LARP1B: variants seen among roughly 807,000 people sequenced by gnomAD.
LARP1B encodes La ribonucleoprotein 1B, also known as la-related protein 1B.
A neutral mutation model predicts 114.2 loss-of-function variants in LARP1B; 76 were observed. That is an observed-to-expected ratio of 0.67 (90% CI 0.55 to 0.81). LARP1B has a LOEUF of 0.81. Ranked by LOEUF, LARP1B falls within the 30% of genes least tolerant of loss-of-function variation. LARP1B has a pLI of 0.00. For missense variants in LARP1B, 1,014 were observed against 1,075.8 expected (o/e 0.94, Z 0.80); for synonymous variants, 345 against 348.0 (o/e 0.99, Z 0.10).
intron 12 of LARP1B, among the ~76,000 whole-genome samples, chr4:128,163,549 T>C (rs1285895322): frequency 1.3e-5 from 2 of 152,180 alleles, no homozygotes; most frequent in Non-Finnish European, 2.9e-5. Flanking sequence ...AATACTTTTA[T>C]AAAGAGAACT....
intron 9 of LARP1B, 37 bp from the exon 10 acceptor site, chr4:128,114,533 T>C: frequency 4.1e-6 from 6 of 1,455,464 alleles, no homozygotes; most frequent in Non-Finnish European, 5.7e-6. Flanking sequence ...AGAAAAGCCA[T>C]TATCATTTTA....
At chr4:128,126,431 TAATTTAGA>T (rs1789645176) in intron 11 of LARP1B, among the ~76,000 whole-genome samples, 3 of 152,138 alleles carry the variant, frequency 2.0e-5, no homozygotes, top group Admixed American at 6.6e-5. Context: ...CCCCTTAAAA[TAATTTAGA>T]TAGTCAGATT....
chr4:128,148,636 T>G (rs535320174), intron 11 of LARP1B, among the ~76,000 whole-genome samples: 10 of 152,122 alleles, frequency 6.6e-5, no homozygotes, highest in African/African-American at 2.4e-4. Context: ...TTTATTTTAT[T>G]TATTTATTTT....
chr4:128,114,410 T>C (rs1458115110), intron 9 of LARP1B, among the ~76,000 whole-genome samples, 160 bp from the exon 10 acceptor site: 1 of 152,242 alleles, frequency 6.6e-6, no homozygotes, highest in Non-Finnish European at 1.5e-5. Context: ...GTAAATCTTA[T>C]GAGCCCTTCA....
Position 128,070,319 on chromosome 4 carries a change from C to CA in LARP1B, c.-77-4130dup, listed in dbSNP as rs573218058. Among the ~76,000 whole-genome samples, 387 of 139,884 alleles carry CA rather than the reference C, an allele frequency of 2.8e-3. 2 individuals are homozygous for CA. The highest frequency in any genetic ancestry group is 4.4e-3 in the South Asian group (19 of 4,366). The allele number at this position is 139,884 out of a possible 152,430, so 91.8% of individuals were successfully genotyped here. On this transcript the variant is annotated intron_variant, in intron 1 of 19. Coordinates refer to ENST00000326639, the MANE Select transcript of LARP1B (RefSeq NM_018078.4). ...TGGGTGACAGAGTGAGACTCCGTCTCAAAAAAAAAAAGAAGATAATTTACT... is the reference window on the plus strand; with the variant it reads ...TGGGTGACAGAGTGAGACTCCGTCTCAAAAAAAAAAAAGAAGATAATTTACT...
intron 1 of LARP1B, among the ~76,000 whole-genome samples, chr4:128,067,196 A>G (rs1248193072): frequency 6.6e-6 from 1 of 152,154 alleles, no homozygotes; most frequent in Admixed American, 6.6e-5. Context: ...GTACCTCTAA[A>G]TCTATTAGTT....
chr4:128,121,504 A>G (rs1787974014), intron 10 of LARP1B, among the ~76,000 whole-genome samples: 1 of 152,252 alleles, frequency 6.6e-6, no homozygotes, highest in South Asian at 2.1e-4. Context: ...TAATTATGAA[A>G]TCATAGGCAA....
intron 11 of LARP1B, among the ~76,000 whole-genome samples, chr4:128,130,903 T>G (rs1791352158): frequency 6.6e-6 from 1 of 152,150 alleles, no homozygotes; most frequent in South Asian, 2.1e-4. Context: ...AAGACTGAGT[T>G]TATATTGGGT....
chr4:128,094,816 A>G (rs919829973), intron 7 of LARP1B, among the ~76,000 whole-genome samples: 19 of 151,768 alleles, frequency 1.3e-4, no homozygotes, highest in Non-Finnish European at 2.5e-4. Flanking sequence ...CAATGGTGCA[A>G]TCTTGGCTCA....
At chr4:128,105,949 G>C (rs1184040357) in intron 8 of LARP1B, among the ~76,000 whole-genome samples, 3 of 151,644 alleles carry the variant, frequency 2.0e-5, no homozygotes, top group African/African-American at 7.3e-5. Flanking sequence ...AATATAACTT[G>C]AGAGTTAAGT....
At chr4:128,118,821 T>C (rs1017349628) in intron 10 of LARP1B, among the ~76,000 whole-genome samples, 2 of 151,702 alleles carry the variant, frequency 1.3e-5, no homozygotes, top group Non-Finnish European at 2.9e-5. Flanking sequence ...GTTTTCTTGT[T>C]TGATCTAATC....
chr4:128,133,111 G>A (rs1164116310), intron 11 of LARP1B, among the ~76,000 whole-genome samples: 1 of 152,152 alleles, frequency 6.6e-6, no homozygotes, highest in East Asian at 1.9e-4. Flanking sequence ...TACAGATGAA[G>A]CTTTGCTCAC....
At chr4:128,069,017 G>T in intron 1 of LARP1B, 3 of 848,804 alleles carry the variant, frequency 3.5e-6, no homozygotes, top group South Asian at 1.7e-5. Flanking sequence ...ACTTATATTG[G>T]CTGTAACGGT....
chr4:128,149,359 G>C (rs1731677687), intron 11 of LARP1B, among the ~76,000 whole-genome samples: 1 of 152,126 alleles, frequency 6.6e-6, no homozygotes, highest in Non-Finnish European at 1.5e-5. Flanking sequence ...TCAAAATAGT[G>C]GTTTAATAGG....
intron 8 of LARP1B, among the ~76,000 whole-genome samples, chr4:128,101,434 A>G (rs1780279322): frequency 6.6e-6 from 1 of 151,876 alleles, no homozygotes; most frequent in Admixed American, 6.6e-5. Context: ...TAAAATAATG[A>G]TTTGTTGGTG....
chr4:128,211,065 C>T lies in LARP1B; in HGVS notation c.*1012C>T, dbSNP rs900037455. ...GCAAATTGATTTCTAATTTTTATTG[C>T]TATTACAACTGATGTAAATGGTAGT... On this transcript the variant is annotated 3_prime_UTR_variant, in exon 20 of 20. Transcript: ENST00000326639. The T allele has an allele frequency of 6.1e-5, 55 of 897,762 alleles. No homozygotes were observed. The highest frequency in any genetic ancestry group is 7.3e-5 in the Non-Finnish European group (55 of 750,824). The allele number at this position is 897,762 out of a possible 1,614,324, so 55.6% of individuals were successfully genotyped here.
intron 3 of LARP1B, among the ~76,000 whole-genome samples, chr4:128,077,348 AG>A (rs1768349202): frequency 6.6e-6 from 1 of 151,608 alleles, no homozygotes; most frequent in Non-Finnish European, 1.5e-5. Flanking sequence ...AAAAAAAAAA[AG>A]AGTTAGCCAG....
chr4:128,195,512 T>C (rs1030118515), intron 15 of LARP1B, among the ~76,000 whole-genome samples: 2 of 152,206 alleles, frequency 1.3e-5, no homozygotes, highest in East Asian at 1.9e-4. Context: ...ATGCTTTCAA[T>C]AAATGTTCCA....
At chr4:128,062,239 T>G in intron 1 of LARP1B, 4 of 985,440 alleles carry the variant, frequency 4.1e-6, no homozygotes, top group Middle Eastern at 1.0e-3. Flanking sequence ...TGCTCTGCGT[T>G]GGGCACTGGC....
Sources: gnomAD v4.1 joint callset for allele counts (sites outside exome capture counted in the v4.1 genomes callset) on GRCh38, gnomAD v4.1.1 for gene constraint, MANE v1.5 for transcripts, NCBI Gene and HGNC (gene_info 2026-07-23, HGNC 2026-07-21) for gene names.